Variants in PRKG1 observed in about 807,000 individuals in gnomAD.
PRKG1 encodes cGMP-dependent protein kinase 1.
A neutral mutation model predicts 88.1 loss-of-function variants in PRKG1; 35 were observed. The ratio of observed to expected loss-of-function variants is 0.40; its 90% CI spans 0.30 to 0.53. PRKG1 has a LOEUF of 0.53. PRKG1 is among the 20% of genes least tolerant of loss of function. The pLI is 0.59. For synonymous variants in PRKG1, 303 were observed against 292.5 expected (o/e 1.04, Z -0.37); for missense variants, 540 against 839.8 (o/e 0.64, Z 4.41).
intron 3 of PRKG1, among the ~76,000 whole-genome samples, chr10:51,753,155 C>A (rs1201249331): frequency 6.6e-6 from 1 of 151,930 alleles, no homozygotes; most frequent in Non-Finnish European, 1.5e-5. Flanking sequence ...TTTTAGTAAG[C>A]TTTTGGAAAA....
chr10:51,619,029 G>A (rs917932956), intron 3 of PRKG1, among the ~76,000 whole-genome samples: 16 of 150,030 alleles, frequency 1.1e-4, no homozygotes, highest in Admixed American at 2.7e-4. Context: ...CACCTGCCTC[G>A]GCCTCCCAAA....
intron 1 of PRKG1, among the ~76,000 whole-genome samples, chr10:51,006,488 C>A (rs960999575): frequency 6.6e-6 from 1 of 152,148 alleles, no homozygotes; most frequent in East Asian, 1.9e-4. Flanking sequence ...TATATAAGAA[C>A]TTTTAACCCT....
chr10:52,251,558 CA>C lies in PRKG1; in HGVS notation c.1077-6del, dbSNP rs774833117. ...CTAAGAAATTTCCATTTTTTCACAT[CA>C]AAAAATCCAGATATGAAGCTGAAGC... On this transcript the variant is annotated splice_polypyrimidine_tract_variant and intron_variant, in intron 9 of 17. Transcript: ENST00000373980. 3 of 1,610,700 alleles carry C rather than the reference CA, an allele frequency of 1.9e-6. No homozygotes were observed. The highest frequency in any genetic ancestry group is 3.3e-5 in the Admixed American group (2 of 59,914).
chr10:52,231,127 G>A (rs1008987509), intron 9 of PRKG1: 2 of 152,216 alleles, frequency 1.3e-5, no homozygotes, highest in African/African-American at 4.8e-5. Context: ...GCTGGGTGTG[G>A]TGGCTCACAC....
chr10:51,060,631 G>A (rs1224570110), intron 1 of PRKG1, among the ~76,000 whole-genome samples: 2 of 152,060 alleles, frequency 1.3e-5, no homozygotes, highest in Non-Finnish European at 2.9e-5. Flanking sequence ...GTTGTTAGAT[G>A]TTATTGTTTT....
intron 7 of PRKG1, among the ~76,000 whole-genome samples, chr10:52,127,080 G>T (rs1016169631): frequency 6.6e-6 from 1 of 152,104 alleles, no homozygotes; most frequent in African/African-American, 2.4e-5. Context: ...GGCAGAGATA[G>T]TGGTGGCCCA....
At chr10:51,809,908 TTC>T (rs1180833974) in intron 4 of PRKG1, among the ~76,000 whole-genome samples, 1 of 152,164 alleles carries the variant, frequency 6.6e-6, no homozygotes, top group Non-Finnish European at 1.5e-5. Context: ...TCCTTCTTTA[TTC>T]TCTCATCCTC....
At position 51,795,949 on chromosome 10, in the gene PRKG1, C is replaced by T. The variant is rs530425731; in HGVS notation, c.593-8636C>T. 2.0e-5 allele frequency among the ~76,000 whole-genome samples: 3 copies of T among 152,170 alleles called. No individual in the cohort carries two copies. The South Asian group carries it at 6.2e-4, about 32-fold the overall frequency. ...TCCAACTTGAGAAAAATAATTCACT[C>T]AGGAATTCTTTTAAGAAATTTCAAC... On this transcript the variant is annotated intron_variant, in intron 3 of 17. Transcript: ENST00000373980.
chr10:51,284,686 C>G (rs1443551735), intron 2 of PRKG1, among the ~76,000 whole-genome samples: 1 of 152,080 alleles, frequency 6.6e-6, no homozygotes, highest in Non-Finnish European at 1.5e-5. Context: ...CAATATCTTA[C>G]TTCTATCCCA....
intron 2 of PRKG1, among the ~76,000 whole-genome samples, chr10:51,326,562 C>T (rs935958536): frequency 4.6e-5 from 7 of 152,168 alleles, no homozygotes; most frequent in Non-Finnish European, 1.0e-4. Context: ...AGAGAATATA[C>T]AAGATGCATT....
At chr10:51,458,316 A>G (rs1839647926) in intron 2 of PRKG1, among the ~76,000 whole-genome samples, 1 of 152,174 alleles carries the variant, frequency 6.6e-6, no homozygotes, top group Admixed American at 6.5e-5. Flanking sequence ...TCTGGATGTT[A>G]CATGAAATGA....
At chr10:52,141,464 A>G (rs921348433) in intron 8 of PRKG1, among the ~76,000 whole-genome samples, 1 of 152,054 alleles carries the variant, frequency 6.6e-6, no homozygotes, top group African/African-American at 2.4e-5. Flanking sequence ...GGATGCCCAG[A>G]CTGTTGGTTC....
At chr10:52,110,602 C>T (rs112116949) in intron 7 of PRKG1, among the ~76,000 whole-genome samples, 46 of 152,198 alleles carry the variant, frequency 3.0e-4, no homozygotes, top group African/African-American at 9.6e-4. Flanking sequence ...ATACCACACT[C>T]TTTTCTGGGA....
At chr10:51,880,992 A>T (rs575531308) in intron 4 of PRKG1, among the ~76,000 whole-genome samples, 2 of 151,086 alleles carry the variant, frequency 1.3e-5, no homozygotes, top group East Asian at 4.0e-4. Flanking sequence ...GGCTTGTATA[A>T]GAGTAAATGA....
At chr10:52,049,318 G>A (rs1321498322) in intron 5 of PRKG1, among the ~76,000 whole-genome samples, 1 of 152,062 alleles carries the variant, frequency 6.6e-6, no homozygotes, top group Non-Finnish European at 1.5e-5. Context: ...TGAGTGCAAA[G>A]TCCCTAGAAG....
chr10:52,094,783 T>C (rs1156780587), intron 7 of PRKG1, among the ~76,000 whole-genome samples: 1 of 152,142 alleles, frequency 6.6e-6, no homozygotes, highest in Non-Finnish European at 1.5e-5. Flanking sequence ...TATAAGGACA[T>C]TAATCCCATC....
intron 2 of PRKG1, among the ~76,000 whole-genome samples, chr10:51,301,094 G>T (rs1840871480): frequency 6.6e-6 from 1 of 152,156 alleles, no homozygotes; most frequent in South Asian, 2.1e-4. Flanking sequence ...AAATCTGACA[G>T]GGAGAAACAT....
intron 3 of PRKG1, among the ~76,000 whole-genome samples, chr10:51,756,202 G>T (rs1050044756): frequency 6.6e-6 from 1 of 152,118 alleles, no homozygotes; most frequent in Non-Finnish European, 1.5e-5. Context: ...GTCAGTAGAG[G>T]CTGGGAGCAG....
At chr10:51,337,030 C>T (rs1462119102) in intron 2 of PRKG1, among the ~76,000 whole-genome samples, 1 of 152,118 alleles carries the variant, frequency 6.6e-6, no homozygotes, top group Non-Finnish European at 1.5e-5. Flanking sequence ...GCTACAGTAA[C>T]CAAAGCAGCA....
Sources: gnomAD v4.1 joint callset for allele counts (sites outside exome capture counted in the v4.1 genomes callset) on GRCh38, gnomAD v4.1.1 for gene constraint, MANE v1.5 for transcripts, NCBI Gene and HGNC (gene_info 2026-07-23, HGNC 2026-07-21) for gene names.